The following NCOR1 variants were observed in gnomAD, a reference collection of about 807,000 sequenced individuals.
NCOR1 encodes protein phosphatase 1, regulatory subunit 109.
Under a neutral mutation model 288.1 loss-of-function variants are expected in NCOR1, and 63 were observed. That is an observed-to-expected ratio of 0.22 (90% confidence interval 0.18 to 0.27). NCOR1 has a LOEUF of 0.27. Ranked by LOEUF, NCOR1 falls within the 10% of genes least tolerant of loss-of-function variation. NCOR1 has a pLI of 1.00. For synonymous variants in NCOR1, 1,007 were observed against 1,065.9 expected (o/e 0.94, Z 1.08); for missense variants, 2,397 against 3,019.2 (o/e 0.79, Z 4.83).
At chr17:16,076,934 C>G (rs1206527966) in intron 26 of NCOR1, among the ~76,000 whole-genome samples, 1 of 152,198 alleles carries the variant, frequency 6.6e-6, no homozygotes, top group East Asian at 1.9e-4. Context: ...ACAGAAATAG[C>G]CCAATTCTCC....
chr17:16,072,281 C>T, intron 28 of NCOR1, 53 bp from the exon 29 acceptor site: 1 of 1,285,006 alleles, frequency 7.8e-7, no homozygotes. Context: ...TATGTCAACT[C>T]ACATATACTG....
chr17:16,053,564 A>C (rs2059561004), intron 40 of NCOR1, among the ~76,000 whole-genome samples: 1 of 152,226 alleles, frequency 6.6e-6, no homozygotes, highest in African/African-American at 2.4e-5. Flanking sequence ...AAATGAAAAA[A>C]CATTCCATGC....
chr17:16,170,946 A>G (rs913843016), intron 4 of NCOR1, among the ~76,000 whole-genome samples: 1 of 152,158 alleles, frequency 6.6e-6, no homozygotes, highest in African/African-American at 2.4e-5. Context: ...TGCATGGGGA[A>G]AGTTCTTAAT....
Position 16,086,177 on chromosome 17 carries a change from GATT to G in NCOR1, c.3177+102_3177+104del, listed in dbSNP as rs941112675. On this transcript the variant is annotated intron_variant, in intron 23 of 45. Transcript: ENST00000268712. ...TCTCTTGAAACTTCATATTCAGACA[GATT>G]ATTATTTATTACAACTCTGACAAAT... The G allele has an allele frequency of 7.6e-5, 93 of 1,226,302 alleles. 1 individual carries two copies. In the Admixed American group the frequency reaches 1.9e-3, roughly 26 times the overall value. The allele number at this position is 1,226,302 out of a possible 1,614,324, so 76.0% of individuals were successfully genotyped here. A position where few individuals can be genotyped will look rare whatever the true frequency, so the allele number is the denominator to read the frequency against.
intron 44 of NCOR1, among the ~76,000 whole-genome samples, chr17:16,038,115 A>G (rs1429847037): frequency 6.6e-6 from 1 of 152,186 alleles, no homozygotes; most frequent in African/African-American, 2.4e-5. Flanking sequence ...TTTCTTAACC[A>G]TAGTGAGATA....
intron 31 of NCOR1, chr17:16,068,402 T>C (rs1422635861): frequency 5.8e-6 from 2 of 343,758 alleles, no homozygotes. Context: ...AATTCAATAC[T>C]CTTCTTTAAA....
chr17:16,076,148 T>A lies in NCOR1; in HGVS notation c.3502-446A>T, dbSNP rs937241679. On this transcript the variant is annotated intron_variant, in intron 26 of 45. Transcript: ENST00000268712. ...TTAAGTTCTTGTTTTCTTCTGAATGTAGTTACGCAATATATCATTTTAATG... is the reference window on the plus strand; with the variant it reads ...TTAAGTTCTTGTTTTCTTCTGAATGAAGTTACGCAATATATCATTTTAATG... Among the ~76,000 whole-genome samples the A allele has an allele frequency of 2.0e-5, 3 of 152,256 alleles. No individual in the cohort carries two copies. In the South Asian group the frequency reaches 6.2e-4, roughly 31 times the overall value.
At chr17:16,183,230 C>CAAAAAAAAAAAAAAAAAAAAAAAAAAAA (rs59665102) in intron 3 of NCOR1, among the ~76,000 whole-genome samples, 20 of 63,844 alleles carry the variant, frequency 3.1e-4, no homozygotes, top group South Asian at 9.7e-4. Context: ...AGCAATCAAA[C>CAAAAAAAAAAAAAAAAAAAAAAAAAAAA]AAAAAAAAAA....
chr17:16,089,259 T>C (rs888024713), intron 22 of NCOR1, among the ~76,000 whole-genome samples: 2 of 152,004 alleles, frequency 1.3e-5, no homozygotes, highest in Non-Finnish European at 2.9e-5. Flanking sequence ...GTCAGTTACA[T>C]AGAAGCATTA....
chr17:16,153,712 A>G (rs1751998243), intron 6 of NCOR1, among the ~76,000 whole-genome samples: 1 of 152,192 alleles, frequency 6.6e-6, no homozygotes, highest in Admixed American at 6.5e-5. Context: ...CAATTATATT[A>G]AAAAACTGGA....
At chr17:16,215,172 C>T (rs1278323125) in intron 1 of NCOR1, among the ~76,000 whole-genome samples, 190 bp downstream of exon 1, 2 of 152,320 alleles carry the variant, frequency 1.3e-5, no homozygotes, top group South Asian at 2.1e-4. Context: ...CCCCGCCGCG[C>T]CCGGCTCTCT....
intron 42 of NCOR1, among the ~76,000 whole-genome samples, chr17:16,045,786 G>A (rs1003340202): frequency 6.6e-6 from 1 of 151,968 alleles, no homozygotes; most frequent in Non-Finnish European, 1.5e-5. Flanking sequence ...GATTACAGGC[G>A]TGAGCCACCA....
intron 42 of NCOR1, among the ~76,000 whole-genome samples, chr17:16,043,118 G>C (rs1322005585): frequency 6.6e-6 from 1 of 152,186 alleles, no homozygotes; most frequent in African/African-American, 2.4e-5. Flanking sequence ...AAAGCCAAGA[G>C]AGGAAAGCAT....
intron 5 of NCOR1, among the ~76,000 whole-genome samples, chr17:16,159,899 C>T (rs1025736945): frequency 1.3e-5 from 2 of 149,440 alleles, no homozygotes; most frequent in African/African-American, 4.9e-5. Context: ...AGTGCAATGG[C>T]GCTCACTGCA....
chr17:16,173,075 C>T (rs1034036129), intron 3 of NCOR1, among the ~76,000 whole-genome samples: 5 of 151,972 alleles, frequency 3.3e-5, no homozygotes, highest in African/African-American at 7.3e-5. Context: ...GGATTACAGG[C>T]GCGAGCCACC....
intron 1 of NCOR1, among the ~76,000 whole-genome samples, chr17:16,205,359 A>G (rs1248437683): frequency 6.6e-6 from 1 of 152,250 alleles, no homozygotes; most frequent in African/African-American, 2.4e-5. Context: ...TCAGTGATGC[A>G]TGCCTGTAAT....
At chr17:16,118,508 C>T (rs905486132) in intron 17 of NCOR1, among the ~76,000 whole-genome samples, 1 of 152,058 alleles carries the variant, frequency 6.6e-6, no homozygotes, top group African/African-American at 2.4e-5. Flanking sequence ...AAAATACTAG[C>T]CAATTTAAAA....
At chr17:16,203,256 C>T (rs987855216) in intron 1 of NCOR1, among the ~76,000 whole-genome samples, 17 of 152,146 alleles carry the variant, frequency 1.1e-4, no homozygotes, top group African/African-American at 3.9e-4. Flanking sequence ...TCCTACGCAC[C>T]GCAAATAAAG....
intron 7 of NCOR1, among the ~76,000 whole-genome samples, chr17:16,152,855 A>C (rs895629550): frequency 6.6e-6 from 1 of 150,906 alleles, no homozygotes; most frequent in Non-Finnish European, 1.5e-5. Context: ...TCTAACTGGT[A>C]TGAGATGGTA....
Sources: allele counts gnomAD v4.1 joint callset (sites outside exome capture counted in the v4.1 genomes callset), GRCh38; gene constraint gnomAD v4.1.1; transcripts MANE v1.5; gene names NCBI Gene and HGNC (gene_info 2026-07-23, HGNC 2026-07-21).